Variants in VSNL1 observed in about 807,000 individuals in gnomAD.
The protein encoded by VSNL1 is visinin-like protein 1.
VSNL1 carries 6 observed loss-of-function variants against 20.4 expected under a neutral mutation model. That is an observed-to-expected ratio of 0.29 (90% confidence interval 0.16 to 0.58). The LOEUF is 0.58. Ranked by LOEUF, VSNL1 falls within the 20% of genes least tolerant of loss-of-function variation. The pLI is 0.90. For synonymous variants in VSNL1, 93 were observed against 86.4 expected (o/e 1.08, Z -0.42); for missense variants, 100 against 234.5 (o/e 0.43, Z 3.75).
intron 2 of VSNL1, among the ~76,000 whole-genome samples, chr2:17,624,943 GCT>G (rs1214791492): frequency 1.5e-4 from 23 of 152,202 alleles, no homozygotes; most frequent in Admixed American, 7.8e-4. Flanking sequence ...ATATGGTTTG[GCT>G]CTGTGTCCCC....
chr2:17,562,769 T>G (rs560944183), intron 1 of VSNL1, among the ~76,000 whole-genome samples: 2 of 152,344 alleles, frequency 1.3e-5, no homozygotes, highest in Non-Finnish European at 2.9e-5. Flanking sequence ...ATTCAAGATG[T>G]TCCTCTAACT....
chr2:17,543,197 A>G (rs1229709540), intron 1 of VSNL1, among the ~76,000 whole-genome samples: 1 of 150,978 alleles, frequency 6.6e-6, no homozygotes, highest in Non-Finnish European at 1.5e-5. Context: ...ACCTCTTTGG[A>G]TGTTTAGTCT....
intron 2 of VSNL1, among the ~76,000 whole-genome samples, chr2:17,610,236 C>T (rs977513464): frequency 2.6e-5 from 4 of 152,160 alleles, no homozygotes; most frequent in Non-Finnish European, 1.5e-5. Flanking sequence ...CATTATTGAG[C>T]ATCTACTCTA....
chr2:17,577,110 T>C (rs1248501198), intron 1 of VSNL1, among the ~76,000 whole-genome samples: 1 of 152,248 alleles, frequency 6.6e-6, no homozygotes, highest in African/African-American at 2.4e-5. Context: ...AGTATTTGTA[T>C]ATTTAAATAT....
intron 1 of VSNL1, among the ~76,000 whole-genome samples, chr2:17,541,882 G>A (rs1663292288): frequency 6.6e-6 from 1 of 152,156 alleles, no homozygotes; most frequent in African/African-American, 2.4e-5. Flanking sequence ...CTCCCTGCAT[G>A]GTGGAAATGA....
chr2:17,581,765 TTC>T (rs79937474), intron 1 of VSNL1, among the ~76,000 whole-genome samples: 5,020 of 152,288 alleles, frequency 0.033, 88 homozygotes, highest in East Asian at 0.097. Context: ...GTTTCATACG[TTC>T]TCTCTTATCG....
chr2:17,566,781 C>A (rs1430459140), intron 1 of VSNL1, among the ~76,000 whole-genome samples: 1 of 152,130 alleles, frequency 6.6e-6, no homozygotes, highest in Non-Finnish European at 1.5e-5. Flanking sequence ...TTTAATCTAA[C>A]TGAAACGTAT....
chr2:17,573,924 C>T (rs1032830607), intron 1 of VSNL1, among the ~76,000 whole-genome samples: 1 of 152,216 alleles, frequency 6.6e-6, no homozygotes, highest in African/African-American at 2.4e-5. Flanking sequence ...GGTTCCCTCT[C>T]AGTTCAGTGA....
Position 17,623,057 on chromosome 2 carries a change from C to A in VSNL1, c.163-26353C>A, listed in dbSNP as rs1236578374. On this transcript the variant is annotated intron_variant, in intron 2 of 3. Coordinates refer to ENST00000295156, the MANE Select transcript of VSNL1 (RefSeq NM_003385.5). Reference sequence around the variant, plus strand: ...CTGTCTCAGTAATCCATAGCTAGTGCATATTAAAGCAATCATCCACCACAA... The same window carrying A: ...CTGTCTCAGTAATCCATAGCTAGTGAATATTAAAGCAATCATCCACCACAA... 2.0e-5 allele frequency among the ~76,000 whole-genome samples: 3 copies of A among 152,280 alleles called. No homozygotes were observed. The East Asian group carries it at 5.8e-4, about 29-fold the overall frequency.
intron 2 of VSNL1, among the ~76,000 whole-genome samples, chr2:17,612,451 G>C (rs1422671555): frequency 6.6e-6 from 1 of 152,170 alleles, no homozygotes; most frequent in African/African-American, 2.4e-5. Context: ...GGTTCTTATG[G>C]TTAGGAAAAT....
intron 2 of VSNL1, among the ~76,000 whole-genome samples, chr2:17,635,058 C>T (rs983440465): frequency 6.6e-6 from 1 of 152,164 alleles, no homozygotes; most frequent in Non-Finnish European, 1.5e-5. Flanking sequence ...CCACACATCT[C>T]AGGGTGCACC....
chr2:17,570,409 T>C (rs558714734), intron 1 of VSNL1, among the ~76,000 whole-genome samples: 1 of 152,310 alleles, frequency 6.6e-6, no homozygotes, highest in Admixed American at 6.5e-5. Flanking sequence ...TAATGAGCTA[T>C]TTAGGCCCAT....
intron 2 of VSNL1, among the ~76,000 whole-genome samples, chr2:17,643,880 C>T (rs1182991027): frequency 6.6e-6 from 1 of 152,130 alleles, no homozygotes; most frequent in Non-Finnish European, 1.5e-5. Context: ...AGCAAGGCCC[C>T]AGGGAGTGAA....
At chr2:17,561,582 G>A (rs1663816082) in intron 1 of VSNL1, among the ~76,000 whole-genome samples, 1 of 152,168 alleles carries the variant, frequency 6.6e-6, no homozygotes, top group African/African-American at 2.4e-5. Flanking sequence ...TGATTTGATC[G>A]GACTTGCATT....
intron 2 of VSNL1, among the ~76,000 whole-genome samples, chr2:17,625,980 C>A (rs1015163436): frequency 6.6e-6 from 1 of 151,478 alleles, no homozygotes; most frequent in Non-Finnish European, 1.5e-5. Flanking sequence ...CCATGCCTGG[C>A]TAATTTTTTT....
intron 2 of VSNL1, among the ~76,000 whole-genome samples, chr2:17,603,791 A>G (rs980358280): frequency 6.6e-6 from 1 of 152,232 alleles, no homozygotes; most frequent in Non-Finnish European, 1.5e-5. Flanking sequence ...TTCTTAAAAC[A>G]ACATGATGGA....
intron 2 of VSNL1, among the ~76,000 whole-genome samples, chr2:17,627,208 T>G (rs1665532491): frequency 6.6e-6 from 1 of 152,238 alleles, no homozygotes; most frequent in South Asian, 2.1e-4. Flanking sequence ...TTCATTTGCA[T>G]GCATAGCAAT....
chr2:17,541,315 C>T (rs1339957191), intron 1 of VSNL1: 2 of 152,102 alleles, frequency 1.3e-5, no homozygotes, highest in African/African-American at 4.8e-5. Flanking sequence ...GGGATTGGTG[C>T]ACCATTTTTC....
chr2:17,635,224 G>C (rs962688023), intron 2 of VSNL1, among the ~76,000 whole-genome samples: 1 of 152,186 alleles, frequency 6.6e-6, no homozygotes, highest in East Asian at 1.9e-4. Context: ...GCTCGGAGAT[G>C]GAACACTCAG....
Sources: allele counts gnomAD v4.1 joint callset (sites outside exome capture counted in the v4.1 genomes callset), GRCh38; gene constraint gnomAD v4.1.1; transcripts MANE v1.5; gene names NCBI Gene and HGNC (gene_info 2026-07-23, HGNC 2026-07-21).